Variants in DPP6 observed in about 807,000 individuals in gnomAD.
DPP6 encodes the protein dipeptidyl peptidase like 6, also known as A-type potassium channel modulatory protein DPP6.
DPP6 carries 69 observed loss-of-function variants against 122.6 expected under a neutral mutation model. The observed-to-expected ratio is 0.56, with a 90% confidence interval of 0.46 to 0.69. DPP6 has a LOEUF of 0.69. DPP6 is among the 30% of genes least tolerant of loss of function. The pLI is 0.00. For synonymous variants in DPP6, 418 were observed against 433.1 expected (o/e 0.97, Z 0.43); for missense variants, 928 against 1,116.9 (o/e 0.83, Z 2.41).
At chr7:153,992,407 T>TAGTAAATGA (rs1797222218) in intron 1 of DPP6, among the ~76,000 whole-genome samples, 2 of 151,862 alleles carry the variant, frequency 1.3e-5, no homozygotes, top group Admixed American at 1.3e-4. Context: ...ACTTATAATA[T>TAGTAAATGA]CTCTTTCATT....
intron 3 of DPP6, among the ~76,000 whole-genome samples, chr7:154,488,456 A>G (rs1823988356): frequency 6.6e-6 from 1 of 151,992 alleles, no homozygotes; most frequent in South Asian, 2.1e-4. Context: ...CTGTCTCAAA[A>G]AAAAAAAGAA....
intron 5 of DPP6, among the ~76,000 whole-genome samples, chr7:154,591,789 G>T (rs1832821411): frequency 6.6e-6 from 1 of 152,208 alleles, no homozygotes; most frequent in African/African-American, 2.4e-5. Flanking sequence ...TAGGGGAAAA[G>T]GCCATCCCAC....
chr7:154,107,093 C>A (rs1247710379), intron 1 of DPP6, among the ~76,000 whole-genome samples: 2 of 151,982 alleles, frequency 1.3e-5, no homozygotes, highest in Non-Finnish European at 2.9e-5. Context: ...GGTTTAGAAC[C>A]AAAGGAACTG....
intron 1 of DPP6, among the ~76,000 whole-genome samples, chr7:154,387,397 A>G (rs1244516085): frequency 6.6e-6 from 1 of 152,148 alleles, no homozygotes; most frequent in African/African-American, 2.4e-5. Flanking sequence ...AGATGCTAGG[A>G]GACTATAGGT....
At position 154,543,297 on chromosome 7, in the gene DPP6, T is replaced by C. The variant is rs1828876526; in HGVS notation, c.552+2671T>C. 2.0e-5 allele frequency among the ~76,000 whole-genome samples: 3 copies of C among 152,172 alleles called. No homozygotes were observed. In the South Asian group the frequency reaches 6.3e-4, roughly 32 times the overall value. ...TTCTGTGGTCAGCAGAATTTTAAAA[T>C]ATTCCCTACAACCTTGACCTCTAAT... is the stretch of plus-strand genomic sequence containing the variant. On this transcript the variant is annotated intron_variant, in intron 4 of 25. Coordinates refer to ENST00000377770, the MANE Select transcript of DPP6 (RefSeq NM_130797.4).
At chr7:153,842,007 TC>T in the DPP6 span, among the ~76,000 whole-genome samples, 1 of 152,232 alleles carries the variant, frequency 6.6e-6, no homozygotes, top group Non-Finnish European at 1.5e-5. Flanking sequence ...TCATTGATGA[TC>T]CAGTGGCAAA....
chr7:153,845,522 C>G, the DPP6 span, among the ~76,000 whole-genome samples: 7 of 151,792 alleles, frequency 4.6e-5, no homozygotes, highest in Non-Finnish European at 8.8e-5. Context: ...CAGCATAAAT[C>G]TAGATTTTTT....
chr7:154,575,621 G>GTGTGGT lies in DPP6; in HGVS notation c.627+8705_627+8706insTGTGGT, dbSNP rs1355196402. The stretch of plus-strand genomic sequence containing the variant: ...GTGTGTGGTGTGTGTATGTGTGTGT[G>GTGTGGT]GTGTGTGTGTGGTGTGTGTGGTGTG... On this transcript the variant is annotated intron_variant, in intron 5 of 25. Coordinates refer to ENST00000377770, the MANE Select transcript of DPP6 (RefSeq NM_130797.4). Among the ~76,000 whole-genome samples, 4 of 132,948 alleles carry GTGTGGT rather than the reference G, an allele frequency of 3.0e-5. No individual in the cohort carries two copies. The East Asian group carries it at 9.3e-4, about 31-fold the overall frequency. The allele number at this position is 132,948 out of a possible 152,430, so 87.2% of individuals were successfully genotyped here.
intron 1 of DPP6, among the ~76,000 whole-genome samples, chr7:153,949,600 C>T (rs1802112091): frequency 6.6e-6 from 1 of 152,198 alleles, no homozygotes; most frequent in Non-Finnish European, 1.5e-5. Flanking sequence ...TTCAAAAAAA[C>T]TGAGCAAGCT....
chr7:154,344,735 A>T (rs1345642235), intron 1 of DPP6, among the ~76,000 whole-genome samples: 1 of 152,064 alleles, frequency 6.6e-6, no homozygotes, highest in Non-Finnish European at 1.5e-5. Context: ...AAAAATACAA[A>T]AAATTAGCTG....
rs145356687 is a variant in DPP6, at chr7:154,645,798, G to A, written c.680+7925G>A. Among the ~76,000 whole-genome samples, 870 of 152,164 alleles carry A rather than the reference G, an allele frequency of 5.7e-3. 37 individuals are homozygous for A. The highest frequency in any genetic ancestry group is 0.05 in the Admixed American group (766 of 15,276). ...AATCCCAGCACTTTGGGATGCCAAG[G>A]CGGGTGGATCACAAAGTCAGGAGAT... On this transcript the variant is annotated intron_variant, in intron 6 of 25. Coordinates refer to ENST00000377770, the MANE Select transcript of DPP6 (RefSeq NM_130797.4).
chr7:153,892,076 G>A (rs549226048), intron 1 of DPP6, among the ~76,000 whole-genome samples: 1 of 152,340 alleles, frequency 6.6e-6, no homozygotes, highest in South Asian at 2.1e-4. Flanking sequence ...ATGGCATGAC[G>A]AGCCTAGGAT....
the DPP6 span, among the ~76,000 whole-genome samples, chr7:153,791,796 A>G: frequency 6.6e-6 from 1 of 152,118 alleles, no homozygotes; most frequent in Non-Finnish European, 1.5e-5. Context: ...GTCCTATAAT[A>G]TAACTGAAAT....
At chr7:154,694,166 T>C (rs1029091755) in intron 7 of DPP6, among the ~76,000 whole-genome samples, 3 of 152,164 alleles carry the variant, frequency 2.0e-5, no homozygotes, top group Admixed American at 1.3e-4. Flanking sequence ...GTGTTGTCTT[T>C]TGTAAGGGCA....
intron 1 of DPP6, among the ~76,000 whole-genome samples, chr7:154,292,809 C>G (rs927757391): frequency 6.6e-6 from 1 of 152,196 alleles, no homozygotes; most frequent in East Asian, 1.9e-4. Flanking sequence ...AAAAGTTACA[C>G]AAAACAATAC....
At chr7:154,346,589 G>T (rs1210240131) in intron 1 of DPP6, among the ~76,000 whole-genome samples, 2 of 152,192 alleles carry the variant, frequency 1.3e-5, no homozygotes, top group Non-Finnish European at 2.9e-5. Context: ...TTACAGGCGT[G>T]AGCCACAGTG....
At chr7:153,986,665 T>C (rs1796864850) in intron 1 of DPP6, among the ~76,000 whole-genome samples, 1 of 152,200 alleles carries the variant, frequency 6.6e-6, no homozygotes, top group African/African-American at 2.4e-5. Context: ...CAGGAATCGT[T>C]GGTGAACTTT....
At chr7:154,192,438 T>C (rs1369180203) in intron 1 of DPP6, among the ~76,000 whole-genome samples, 2 of 152,228 alleles carry the variant, frequency 1.3e-5, no homozygotes, top group African/African-American at 4.8e-5. Flanking sequence ...TTCCAGGTAT[T>C]GCACCAGCAC....
At chr7:154,046,309 G>A (rs73729266) in intron 1 of DPP6, among the ~76,000 whole-genome samples, 2,629 of 152,226 alleles carry the variant, frequency 0.017, 89 homozygotes, top group African/African-American at 0.06. Context: ...TCATGTCCAC[G>A]CACATCCCAT....
Sources: allele counts gnomAD v4.1 joint callset (sites outside exome capture counted in the v4.1 genomes callset), GRCh38; gene constraint gnomAD v4.1.1; transcripts MANE v1.5; gene names NCBI Gene and HGNC (gene_info 2026-07-23, HGNC 2026-07-21).